Variants in GRM7 observed in about 807,000 individuals in gnomAD.
The protein encoded by GRM7 is glutamate metabotropic receptor 7.
Under a neutral mutation model 84.5 loss-of-function variants are expected in GRM7, and 35 were observed. The ratio of observed to expected loss-of-function variants is 0.41; its 90% confidence interval spans 0.32 to 0.55. The LOEUF (loss-of-function observed/expected upper bound fraction) is 0.55, where lower values mean the gene tolerates loss of function less well. GRM7 is among the 20% of genes least tolerant of loss of function. GRM7 has a pLI of 0.19. For missense variants in GRM7, 1,003 were observed against 1,194.6 expected (o/e 0.84, Z 2.36); for synonymous variants, 487 against 455.1 (o/e 1.07, Z -0.89).
intron 1 of GRM7, among the ~76,000 whole-genome samples, chr3:7,078,148 A>G (rs1698157203): frequency 6.6e-6 from 1 of 152,158 alleles, no homozygotes; most frequent in Non-Finnish European, 1.5e-5. Flanking sequence ...CTGGTGATGA[A>G]TTCTGGTATT....
intron 7 of GRM7, among the ~76,000 whole-genome samples, chr3:7,501,518 CTTATA>C (rs1452780717): frequency 2.0e-5 from 3 of 152,158 alleles, no homozygotes; most frequent in African/African-American, 4.8e-5. Context: ...GTTTTATCAG[CTTATA>C]TTATAGACGG....
intron 2 of GRM7, among the ~76,000 whole-genome samples, chr3:7,217,700 A>G (rs1467839726): frequency 7.2e-6 from 1 of 138,888 alleles, no homozygotes; most frequent in Non-Finnish European, 1.5e-5. Context: ...ATATTTTATA[A>G]TATAAAATAT....
At chr3:7,638,799 T>C (rs1264501802) in intron 8 of GRM7, among the ~76,000 whole-genome samples, 6 of 152,222 alleles carry the variant, frequency 3.9e-5, no homozygotes, top group Admixed American at 2.0e-4. Context: ...ACCACTACTG[T>C]GTGCTCCCTG....
intron 8 of GRM7, among the ~76,000 whole-genome samples, chr3:7,586,386 T>G (rs1344226356): frequency 8.1e-6 from 1 of 122,788 alleles, no homozygotes; most frequent in African/African-American, 3.5e-5. Flanking sequence ...CATGAGGGGT[T>G]TTTTTTTTTG....
At chr3:6,898,095 G>A (rs1474215112) in intron 1 of GRM7, among the ~76,000 whole-genome samples, 1 of 152,168 alleles carries the variant, frequency 6.6e-6, no homozygotes, top group African/African-American at 2.4e-5. Flanking sequence ...CATCCATCAA[G>A]TTAGGCCATG....
intron 1 of GRM7, among the ~76,000 whole-genome samples, chr3:7,107,343 A>G (rs1003130575): frequency 7.2e-5 from 11 of 152,170 alleles, no homozygotes; most frequent in African/African-American, 2.2e-4. Flanking sequence ...AATACGTTCT[A>G]CAGTAAAGTC....
chr3:6,988,661 T>C (rs1694518041), intron 1 of GRM7, among the ~76,000 whole-genome samples: 1 of 152,180 alleles, frequency 6.6e-6, no homozygotes, highest in African/African-American at 2.4e-5. Flanking sequence ...TTCTCTTATT[T>C]CACACCACAG....
intron 1 of GRM7, among the ~76,000 whole-genome samples, chr3:6,927,957 C>T (rs1237202109): frequency 6.6e-6 from 1 of 152,214 alleles, no homozygotes; most frequent in Non-Finnish European, 1.5e-5. Flanking sequence ...TGGTTTCACA[C>T]TTAGAACACA....
chr3:7,399,185 TA>T (rs1559294442), intron 4 of GRM7, among the ~76,000 whole-genome samples: 3 of 49,182 alleles, frequency 6.1e-5, no homozygotes, highest in African/African-American at 2.1e-4. Flanking sequence ...AGAACAATAA[TA>T]ATAATAATAA....
chr3:7,307,899 C>T (rs956886125), intron 4 of GRM7, among the ~76,000 whole-genome samples: 1 of 152,044 alleles, frequency 6.6e-6, no homozygotes, highest in Admixed American at 6.6e-5. Context: ...GTGCAGGTGT[C>T]AGAACAGGCA....
chr3:7,363,119 G>A (rs188260416), intron 4 of GRM7, among the ~76,000 whole-genome samples: 30 of 151,938 alleles, frequency 2.0e-4, no homozygotes, highest in African/African-American at 4.6e-4. Context: ...GTAAGACTCT[G>A]TCTCTAAAAT....
intron 1 of GRM7, among the ~76,000 whole-genome samples, chr3:6,977,154 A>G (rs1694030929): frequency 6.6e-6 from 1 of 152,152 alleles, no homozygotes; most frequent in Non-Finnish European, 1.5e-5. Flanking sequence ...TTGGCCAAAT[A>G]TGAAGCTACC....
At chr3:7,228,964 G>A (rs990691884) in intron 2 of GRM7, among the ~76,000 whole-genome samples, 1 of 152,108 alleles carries the variant, frequency 6.6e-6, no homozygotes, top group Admixed American at 6.6e-5. Flanking sequence ...AGAAATGAAC[G>A]TGTGTTTTTA....
In GRM7 at chr3:7,572,434, T is replaced by A. The variant is rs1487241481; in HGVS notation, c.1516-5988T>A. ...TTGAGCCTCAGAAACCTTAGGGAAG[T>A]CTCATCCATCTAGGATCCCCTGGGG... On this transcript the variant is annotated intron_variant, in intron 7 of 9. Transcript: ENST00000357716. 3.3e-5 allele frequency among the ~76,000 whole-genome samples: 5 copies of A among 152,100 alleles called. No homozygotes were observed. The East Asian group carries it at 9.7e-4, about 29-fold the overall frequency.
At chr3:7,603,075 C>T (rs1696398370) in intron 8 of GRM7, among the ~76,000 whole-genome samples, 1 of 152,112 alleles carries the variant, frequency 6.6e-6, no homozygotes, top group African/African-American at 2.4e-5. Context: ...GTAGACGGTA[C>T]TTAAAAAATA....
intron 8 of GRM7, among the ~76,000 whole-genome samples, chr3:7,637,393 G>A (rs971770542): frequency 6.6e-6 from 1 of 152,196 alleles, no homozygotes; most frequent in Non-Finnish European, 1.5e-5. Flanking sequence ...ATCACGTCAA[G>A]CCAGCCATTG....
intron 4 of GRM7, among the ~76,000 whole-genome samples, chr3:7,344,572 T>C (rs367833650): frequency 1.7e-3 from 254 of 152,320 alleles, no homozygotes; most frequent in African/African-American, 5.9e-3. Context: ...CCTATGCAGA[T>C]AATTTGCCCA....
intron 4 of GRM7, among the ~76,000 whole-genome samples, chr3:7,399,042 C>G (rs895939116): frequency 1.3e-5 from 2 of 152,006 alleles, no homozygotes; most frequent in Non-Finnish European, 2.9e-5. Flanking sequence ...CCTTTTAATT[C>G]CCAGCATCAT....
chr3:7,401,366 C>T (rs1205298302), intron 4 of GRM7, among the ~76,000 whole-genome samples: 1 of 152,050 alleles, frequency 6.6e-6, no homozygotes, highest in Non-Finnish European at 1.5e-5. Flanking sequence ...ACAGTGTTGA[C>T]CACGTTTTGT....
Sources: allele counts gnomAD v4.1 joint callset (sites outside exome capture counted in the v4.1 genomes callset), GRCh38; gene constraint gnomAD v4.1.1; transcripts MANE v1.5; gene names NCBI Gene and HGNC (gene_info 2026-07-23, HGNC 2026-07-21).